Variants in SOBP observed in about 807,000 individuals in gnomAD.
The protein encoded by SOBP is sine oculis binding protein homolog.
A neutral mutation model predicts 53.6 loss-of-function variants in SOBP; 4 were observed. The ratio of observed to expected loss-of-function variants is 0.07; its 90% CI spans 0.04 to 0.17. The LOEUF (loss-of-function observed/expected upper bound fraction) is 0.17, where lower values mean the gene tolerates loss of function less well. SOBP is among the 10% of genes least tolerant of loss of function. The pLI, the probability that SOBP is intolerant of heterozygous loss-of-function variation, is 1.00. For missense variants in SOBP, 1,088 were observed against 1,204.7 expected, an observed-to-expected ratio of 0.90 and a Z score of 1.43; for synonymous variants, 584 against 522.6, an observed-to-expected ratio of 1.12 and a Z score of -1.60.
intron 3 of SOBP, among the ~76,000 whole-genome samples, chr6:107,513,259 T>G (rs944865794): frequency 6.6e-6 from 1 of 152,186 alleles, no homozygotes. Context: ...GTTTTCCAAA[T>G]TTGAGTTCCA....
At chr6:107,653,234 T>A (rs1051498328) in intron 6 of SOBP, among the ~76,000 whole-genome samples, 1 of 152,186 alleles carries the variant, frequency 6.6e-6, no homozygotes, top group Admixed American at 6.5e-5. Flanking sequence ...TGGGATGGGT[T>A]TGGTGTGGGG....
At chr6:107,628,001 T>A (rs1317370482) in intron 5 of SOBP, among the ~76,000 whole-genome samples, 1 of 152,230 alleles carries the variant, frequency 6.6e-6, no homozygotes, top group East Asian at 1.9e-4. Flanking sequence ...CACCTGATAC[T>A]GTGGCTTCTG....
At chr6:107,493,027 T>C (rs1371675704) in intron 1 of SOBP, among the ~76,000 whole-genome samples, 1 of 152,216 alleles carries the variant, frequency 6.6e-6, no homozygotes, top group Non-Finnish European at 1.5e-5. Context: ...AGGATTATTT[T>C]GAGCTCCTTA....
chr6:107,509,639 C>G (rs1435106926), intron 3 of SOBP, among the ~76,000 whole-genome samples: 1 of 152,078 alleles, frequency 6.6e-6, no homozygotes, highest in African/African-American at 2.4e-5. Flanking sequence ...AAAAACCTGC[C>G]CTGGAGTTTC....
intron 5 of SOBP, among the ~76,000 whole-genome samples, chr6:107,619,431 C>A (rs892686829): frequency 2.6e-5 from 4 of 152,174 alleles, no homozygotes; most frequent in Non-Finnish European, 5.9e-5. Flanking sequence ...GCATGGCAGC[C>A]TGCACTGAGA....
chr6:107,567,313 T>G (rs553573819), intron 4 of SOBP, among the ~76,000 whole-genome samples: 1 of 152,232 alleles, frequency 6.6e-6, no homozygotes, highest in South Asian at 2.1e-4. Context: ...TTAAAAATCC[T>G]TATTGAAATC....
At chr6:107,597,916 T>C (rs2115077339) in intron 5 of SOBP, among the ~76,000 whole-genome samples, 1 of 152,322 alleles carries the variant, frequency 6.6e-6, no homozygotes, top group East Asian at 1.9e-4. Flanking sequence ...ATTTAAAGCC[T>C]TAAAAAAACT....
chr6:107,500,890 G>T (rs530432644), intron 1 of SOBP, among the ~76,000 whole-genome samples: 17 of 152,304 alleles, frequency 1.1e-4, no homozygotes, highest in African/African-American at 3.8e-4. Flanking sequence ...GTATACAACA[G>T]AAGTAATAGT....
chr6:107,513,146 G>A (rs574585734), intron 3 of SOBP, among the ~76,000 whole-genome samples: 3 of 152,282 alleles, frequency 2.0e-5, no homozygotes, highest in African/African-American at 4.8e-5. Context: ...ACATAAGATC[G>A]ATCCCCTAAA....
intron 6 of SOBP, among the ~76,000 whole-genome samples, chr6:107,637,797 A>G (rs1771115498): frequency 6.6e-6 from 1 of 152,256 alleles, no homozygotes; most frequent in South Asian, 2.1e-4. Flanking sequence ...AAAATAACAT[A>G]AAAACATAAA....
At chr6:107,538,498 ACCTGGGGAGCCCCAGGGTTCTT>A (rs1364709806) in intron 4 of SOBP, among the ~76,000 whole-genome samples, 2 of 152,184 alleles carry the variant, frequency 1.3e-5, no homozygotes, top group African/African-American at 4.8e-5. Flanking sequence ...CAGTAAATGC[ACCTGGGGAGCCCCAGGGTTCTT>A]CCTGTGGATT....
intron 5 of SOBP, 171 bp downstream of exon 5, chr6:107,587,346 T>C (rs958624342): frequency 4.7e-6 from 3 of 640,924 alleles, no homozygotes; most frequent in Admixed American, 2.5e-5. Context: ...GATCTCAAAT[T>C]GTTTGCAAAT....
chr6:107,491,650 C>T (rs1782584235), intron 1 of SOBP, among the ~76,000 whole-genome samples: 1 of 152,090 alleles, frequency 6.6e-6, no homozygotes, highest in South Asian at 2.1e-4. Flanking sequence ...GTTGATTTCA[C>T]GAGTCTCTAT....
intron 5 of SOBP, among the ~76,000 whole-genome samples, chr6:107,620,286 T>C (rs1786956830): frequency 6.6e-6 from 1 of 152,224 alleles, no homozygotes; most frequent in Admixed American, 6.5e-5. Context: ...CACTCTCTAA[T>C]TTGTGACCTA....
At chr6:107,503,848 A>C in intron 2 of SOBP, 53 bp downstream of exon 2, 7 of 1,603,656 alleles carry the variant, frequency 4.4e-6, no homozygotes, top group Non-Finnish European at 6.0e-6. Context: ...AACTATCTCA[A>C]CCTGCCAGAA....
At chr6:107,632,648 T>G (rs1770766914) in intron 5 of SOBP, among the ~76,000 whole-genome samples, 1 of 152,236 alleles carries the variant, frequency 6.6e-6, no homozygotes, top group Non-Finnish European at 1.5e-5. Flanking sequence ...TTTTTTGAAC[T>G]TTGATGTCTA....
chr6:107,572,372 C>T (rs574340583), intron 4 of SOBP, among the ~76,000 whole-genome samples: 1 of 150,690 alleles, frequency 6.6e-6, no homozygotes, highest in Non-Finnish European at 1.5e-5. Context: ...GGTGCGATCT[C>T]AGCTCACTGC....
chr6:107,582,252 T>C (rs1785426332), intron 4 of SOBP, among the ~76,000 whole-genome samples: 1 of 152,198 alleles, frequency 6.6e-6, no homozygotes, highest in African/African-American at 2.4e-5. Context: ...TGCTCCAACA[T>C]GCACATGGCA....
chr6:107,659,010 A>G lies in SOBP; in HGVS notation c.*807A>G, dbSNP rs1165053769. The G allele has an allele frequency of 2.0e-5, 3 of 152,610 alleles. No individual in the cohort carries two copies. Among genetic ancestry groups the G allele is most frequent in the Non-Finnish European group, 4.4e-5 (3 of 68,034 alleles). 9.5% of individuals were successfully genotyped at this position (152,610 alleles called of 1,614,324 possible). A position where few individuals can be genotyped will look rare whatever the true frequency, so the allele number is the denominator to read the frequency against. ...CTCAGCTTTCTCTTTAAATTCCCCT[A>G]AATAGCGCCCCATTTGGGAACAGAG... On this transcript the variant is annotated 3_prime_UTR_variant, in exon 7 of 7. Transcript: ENST00000317357.
Sources: allele counts gnomAD v4.1 joint callset (sites outside exome capture counted in the v4.1 genomes callset), GRCh38; gene constraint gnomAD v4.1.1; transcripts MANE v1.5; gene names NCBI Gene and HGNC (gene_info 2026-07-23, HGNC 2026-07-21).